DCHS2: variants seen among roughly 807,000 people sequenced by gnomAD.
DCHS2 encodes dachsous cadherin-related 2.
DCHS2 carries 142 observed loss-of-function variants against 182.4 expected under a neutral mutation model. The observed-to-expected ratio is 0.78, with a 90% CI of 0.68 to 0.89. The LOEUF is 0.89. Among genes scored for constraint, DCHS2 ranks in the 40% least tolerant of loss-of-function variants. The probability of loss-of-function intolerance (pLI) is 0.00; values close to 1 mark genes in which losing one functional copy is unlikely to be tolerated. For synonymous variants in DCHS2, 1,740 were observed against 1,663.3 expected (o/e 1.05, Z -1.12); for missense variants, 4,319 against 4,198.6 (o/e 1.03, Z -0.79).
intron 13 of DCHS2, among the ~76,000 whole-genome samples, chr4:154,284,854 T>C (rs1219046984): frequency 6.6e-6 from 1 of 152,096 alleles, no homozygotes; most frequent in African/African-American, 2.4e-5. Context: ...TTGAAGCCAG[T>C]GGACTTCGGG....
At chr4:154,404,109 T>C (rs993656840) in intron 1 of DCHS2, among the ~76,000 whole-genome samples, 1 of 152,140 alleles carries the variant, frequency 6.6e-6, no homozygotes, top group Non-Finnish European at 1.5e-5. Flanking sequence ...TTCTATTTTC[T>C]ACCTTGCTCT....
Position 154,491,514 on chromosome 4 carries a change from A to G in DCHS2, c.-159T>C, listed in dbSNP as rs944656964. 5 of 1,401,192 alleles carry G rather than the reference A, an allele frequency of 3.6e-6. No homozygotes were observed. The African/African-American group carries it at 4.4e-5, about 12-fold the overall frequency. 86.8% of individuals were successfully genotyped at this position (1,401,192 alleles called of 1,614,324 possible). A position where few individuals can be genotyped will look rare whatever the true frequency, so the allele number is the denominator to read the frequency against. ...AGGAATTCCCGAGGTTACATCTGCA[A>G]CTGGTGAAAGCGTCCTCTGCCTGCA... is the stretch of plus-strand genomic sequence containing the variant. On this transcript the variant is annotated 5_prime_UTR_variant, in exon 1 of 20. Coordinates refer to ENST00000357232, the MANE Select transcript of DCHS2 (RefSeq NM_001358235.2).
At position 154,333,416 on chromosome 4, in the gene DCHS2, G is replaced by A. The variant is rs757014004; in HGVS notation, c.2792C>T (p.Thr931Ile). The A allele has an allele frequency of 9.3e-6, 15 of 1,614,082 alleles. No homozygotes were observed. In the South Asian group the frequency reaches 1.5e-4, roughly 17 times the overall value. The change falls in exon 5 of 20, where the codon ACT becomes ATT. Residue 931 changes from threonine (T) to isoleucine (I), a missense_variant. Transcript: ENST00000357232. ...ATCCAGGGGCTTCCGGGTGCGAATA[G>A]TGCCCAGCCGCGGGTGAATGGAGAA... Reference protein sequence around the residue: ...GKFSIHPRLGTIRTRKPLDHE... With the variant: ...GKFSIHPRLGIIRTRKPLDHE...
At chr4:154,302,237 T>C (rs865999837) in intron 12 of DCHS2, among the ~76,000 whole-genome samples, 3 of 152,354 alleles carry the variant, frequency 2.0e-5, no homozygotes, top group African/African-American at 4.8e-5. Flanking sequence ...AGTAAAATTC[T>C]ACATTTTTAT....
intron 1 of DCHS2, among the ~76,000 whole-genome samples, chr4:154,462,875 CTCTACAA>C (rs1735070445): frequency 1.3e-5 from 2 of 152,118 alleles, no homozygotes; most frequent in African/African-American, 4.8e-5. Context: ...GTATACAGTT[CTCTACAA>C]CTAATGTAAG....
At position 154,315,902 on chromosome 4, in the gene DCHS2, TG is replaced by T; in HGVS notation, c.5105del (p.Pro1702GlnfsTer9). Reference protein sequence around the residue: ...LTVLALDDGTPALSSSQTLTV... With the variant: ...LTVLALDDGTXALSSSQTLTV... ...TCAAAGTCTGGGATGAAGAAAGTGC[TG>T]GTGTGCCATCATCCAGTGCCAGAAC... On this transcript the variant is annotated frameshift_variant, in exon 10 of 20. Transcript: ENST00000357232. LOFTEE classifies it high-confidence loss of function. 6.2e-7 allele frequency: 1 copy of T among 1,614,038 alleles called. No individual in the cohort carries two copies. Among genetic ancestry groups the T allele is most frequent in the Non-Finnish European group, 8.5e-7 (1 of 1,179,978 alleles).
chr4:154,472,976 G>C (rs1471607706), intron 1 of DCHS2, among the ~76,000 whole-genome samples: 1 of 152,206 alleles, frequency 6.6e-6, no homozygotes, highest in African/African-American at 2.4e-5. Context: ...ATTAATCCAT[G>C]TGAAGTAAGG....
chr4:154,272,748 C>T (rs766339154), intron 13 of DCHS2, among the ~76,000 whole-genome samples: 5 of 152,124 alleles, frequency 3.3e-5, no homozygotes, highest in Admixed American at 6.5e-5. Context: ...AGTGTGAGAA[C>T]GGACTGATAA....
At position 154,306,580 on chromosome 4, in the gene DCHS2, G is replaced by A. The variant is rs150575743; in HGVS notation, c.5261-1349C>T. Among the ~76,000 whole-genome samples, 55 of 152,098 alleles carry A rather than the reference G, an allele frequency of 3.6e-4. 1 individual carries two copies. The highest frequency in any genetic ancestry group is 1.3e-3 in the African/African-American group (53 of 41,528). On this transcript the variant is annotated intron_variant, in intron 10 of 19. Coordinates refer to ENST00000357232, the MANE Select transcript of DCHS2 (RefSeq NM_001358235.2). ...AGAGAAATATCAGGTGCCAAGCATA[G>A]TACTATGTGCCAAAGACAGAGTGCT...
At chr4:154,257,736 A>C (rs1427123096) in intron 15 of DCHS2, among the ~76,000 whole-genome samples, 1 of 152,152 alleles carries the variant, frequency 6.6e-6, no homozygotes, top group African/African-American at 2.4e-5. Context: ...CTTCATTTCT[A>C]ATTTTCTGAA....
chr4:154,386,937 T>C (rs925365270), intron 1 of DCHS2, among the ~76,000 whole-genome samples: 1 of 152,186 alleles, frequency 6.6e-6, no homozygotes, highest in African/African-American at 2.4e-5. Flanking sequence ...ATAATACTTT[T>C]TCAAAGCCAC....
In DCHS2 at chr4:154,402,740, C is replaced by T. The variant is rs568124128; in HGVS notation, c.2053-25296G>A. On this transcript the variant is annotated intron_variant, in intron 1 of 19. Coordinates refer to ENST00000357232, the MANE Select transcript of DCHS2 (RefSeq NM_001358235.2). ...AGACTTTGGGGAACTGTTGGGAAGG[C>T]GTGCTTTGTTTTGAAATGTGGGGAC... 1.3e-3 allele frequency among the ~76,000 whole-genome samples: 204 copies of T among 152,198 alleles called. 5 individuals are homozygous for T. The South Asian group carries it at 0.038, about 28-fold the overall frequency.
chr4:154,311,291 G>C (rs1735661682), intron 10 of DCHS2, among the ~76,000 whole-genome samples: 3 of 152,122 alleles, frequency 2.0e-5, no homozygotes, highest in South Asian at 4.1e-4. Context: ...GGAGTGTGCA[G>C]AGGCACAGTC....
intron 12 of DCHS2, among the ~76,000 whole-genome samples, chr4:154,302,214 T>TG (rs1405929332): frequency 6.6e-6 from 1 of 152,174 alleles, no homozygotes; most frequent in Admixed American, 6.5e-5. Context: ...TACATATAAT[T>TG]GAAAAAAACT....
intron 13 of DCHS2, among the ~76,000 whole-genome samples, chr4:154,295,975 G>C (rs961783121): frequency 1.3e-5 from 2 of 152,304 alleles, no homozygotes; most frequent in South Asian, 4.1e-4. Flanking sequence ...TTACTAGTGA[G>C]AGTCCTCCCA....
chr4:154,385,824 G>T (rs535432834), intron 1 of DCHS2, among the ~76,000 whole-genome samples: 131 of 152,002 alleles, frequency 8.6e-4, no homozygotes, highest in Non-Finnish European at 1.7e-3. Flanking sequence ...CCAAATTCTT[G>T]GTAATTTGTT....
intron 1 of DCHS2, among the ~76,000 whole-genome samples, chr4:154,459,902 T>C (rs962935203): frequency 6.6e-6 from 1 of 152,104 alleles, no homozygotes; most frequent in Non-Finnish European, 1.5e-5. Context: ...AGTACTAATC[T>C]AATACTTAGG....
intron 16 of DCHS2, among the ~76,000 whole-genome samples, chr4:154,245,578 C>A (rs1382090509): frequency 6.6e-6 from 1 of 151,910 alleles, no homozygotes; most frequent in East Asian, 1.9e-4. Context: ...TATCAGCCAC[C>A]AGTAGAAATA....
At position 154,335,522 on chromosome 4, in the gene DCHS2, T is replaced by C. The variant is rs529458573; in HGVS notation, c.2477-418A>G. On this transcript the variant is annotated intron_variant, in intron 3 of 19. Coordinates refer to ENST00000357232, the MANE Select transcript of DCHS2 (RefSeq NM_001358235.2). The stretch of plus-strand genomic sequence containing the variant: ...TTCAGCCTCAAACTATACGACTGGC[T>C]CTCCTGGTTCTCAGGTCTTTGGACT... 3.3e-5 allele frequency among the ~76,000 whole-genome samples: 5 copies of C among 152,270 alleles called. No individual in the cohort carries two copies. The South Asian group carries it at 1.0e-3, about 32-fold the overall frequency.
Sources: allele counts gnomAD v4.1 joint callset (sites outside exome capture counted in the v4.1 genomes callset), GRCh38; gene constraint gnomAD v4.1.1; transcripts MANE v1.5; gene names NCBI Gene and HGNC (gene_info 2026-07-23, HGNC 2026-07-21).